GPHN: variants seen among roughly 807,000 people sequenced by gnomAD.
The protein encoded by GPHN is gephyrin.
In GPHN, 17 loss-of-function variants were observed where a neutral mutation model predicts 95.5. The observed-to-expected ratio is 0.18, with a 90% CI of 0.12 to 0.27. The LOEUF (loss-of-function observed/expected upper bound fraction) is 0.27, where lower values mean the gene tolerates loss of function less well. GPHN is among the 10% of genes least tolerant of loss of function. The pLI is 1.00. For synonymous variants in GPHN, 320 were observed against 322.5 expected, an observed-to-expected ratio of 0.99 and a Z score of 0.08; for missense variants, 660 against 978.1, an observed-to-expected ratio of 0.67 and a Z score of 4.34.
chr14:66,544,584 T>C (rs1433350072), intron 1 of GPHN, among the ~76,000 whole-genome samples: 1 of 151,916 alleles, frequency 6.6e-6, no homozygotes, highest in Non-Finnish European at 1.5e-5. Flanking sequence ...TTTTCTTTTT[T>C]TTTTTTTAAT....
At chr14:67,086,145 G>A (rs1235797206) in intron 11 of GPHN, among the ~76,000 whole-genome samples, 1 of 152,130 alleles carries the variant, frequency 6.6e-6, no homozygotes, top group Non-Finnish European at 1.5e-5. Context: ...ATTGATTATT[G>A]TGGATAATGT....
At chr14:66,857,316 A>G (rs1169417411) in intron 4 of GPHN, among the ~76,000 whole-genome samples, 2 of 152,200 alleles carry the variant, frequency 1.3e-5, no homozygotes, top group African/African-American at 4.8e-5. Context: ...ATGAAAAAAC[A>G]CAAATCCAGA....
the GPHN span, chr14:67,486,923 C>T: frequency 6.6e-6 from 1 of 152,142 alleles, no homozygotes; most frequent in Non-Finnish European, 1.5e-5. Flanking sequence ...CCTCCAGACT[C>T]GTGCCCATGC....
At chr14:67,650,740 T>G in the GPHN span, 1,006 of 1,614,056 alleles carry the variant, frequency 6.2e-4, 4 homozygotes, top group Middle Eastern at 6.0e-3. Flanking sequence ...TGGATCTTGT[T>G]GAAGTCAATC....
intron 8 of GPHN, among the ~76,000 whole-genome samples, chr14:66,961,914 A>ATATATATATAT: frequency 1.6e-5 from 1 of 62,018 alleles, no homozygotes; most frequent in African/African-American, 9.3e-5. Flanking sequence ...ATATATATAT[A>ATATATATATAT]TATATATATA....
intron 1 of GPHN, among the ~76,000 whole-genome samples, chr14:66,637,283 A>C (rs1486163128): frequency 6.6e-6 from 1 of 152,184 alleles, no homozygotes; most frequent in Non-Finnish European, 1.5e-5. Flanking sequence ...AAATCTTTGC[A>C]GTTATGTAAC....
chr14:67,724,512 G>C, the GPHN span: 9 of 1,612,142 alleles, frequency 5.6e-6, no homozygotes, highest in Middle Eastern at 1.6e-4. Flanking sequence ...CAAATGTGCA[G>C]CTTCCTGGCA....
At chr14:67,204,892 G>C in the GPHN span, 1 of 1,613,766 alleles carries the variant, frequency 6.2e-7, no homozygotes, top group South Asian at 1.1e-5. Flanking sequence ...AGAATTCACA[G>C]ACATCACCGA....
At chr14:67,203,257 T>G in the GPHN span, 1 of 1,605,304 alleles carries the variant, frequency 6.2e-7, no homozygotes, top group Non-Finnish European at 8.5e-7. Flanking sequence ...AAAAGTCTCC[T>G]GACATCTCCT....
intron 4 of GPHN, among the ~76,000 whole-genome samples, chr14:66,833,586 A>G (rs2061668202): frequency 6.6e-6 from 1 of 151,822 alleles, no homozygotes; most frequent in Non-Finnish European, 1.5e-5. Flanking sequence ...TTGAATCAGC[A>G]TTTATTCGAA....
chr14:67,303,662 T>G, the GPHN span: 1 of 1,153,160 alleles, frequency 8.7e-7, no homozygotes, highest in South Asian at 1.2e-5. Flanking sequence ...TCTGTTACTG[T>G]TTACTGTTAC....
At chr14:66,932,257 T>G (rs1480020472) in intron 8 of GPHN, among the ~76,000 whole-genome samples, 1 of 151,776 alleles carries the variant, frequency 6.6e-6, no homozygotes, top group African/African-American at 2.4e-5. Flanking sequence ...CTGCCTGGAG[T>G]TGGGGAAGGG....
the GPHN span, chr14:67,559,458 A>G: frequency 3.3e-6 from 2 of 603,418 alleles, no homozygotes; most frequent in South Asian, 4.0e-5. Context: ...GTGTTACCTT[A>G]TCAAATAATA....
Position 67,023,727 on chromosome 14 carries a change from A to C in GPHN, c.1006+52A>C, listed in dbSNP as rs1330270121. 3.6e-6 allele frequency: 5 copies of C among 1,406,080 alleles called. No individual in the cohort carries two copies. The African/African-American group carries it at 5.6e-5, about 16-fold the overall frequency. 87.1% of individuals were successfully genotyped at this position (1,406,080 alleles called of 1,614,324 possible). ...CTGCTGAACTAGAGCTTATAAAGCT[A>C]AAAATGATATTTTGGTGAAAAAAAA... On this transcript the variant is annotated intron_variant, in intron 10 of 22. Coordinates refer to ENST00000478722, the MANE Select transcript of GPHN (RefSeq NM_020806.5).
intron 17 of GPHN, among the ~76,000 whole-genome samples, chr14:67,126,378 T>C (rs1001317894): frequency 6.6e-6 from 1 of 152,216 alleles, no homozygotes; most frequent in Non-Finnish European, 1.5e-5. Context: ...TGTACTACTG[T>C]GGGCTGGATT....
At chr14:67,627,674 C>T in the GPHN span, among the ~76,000 whole-genome samples, 8 of 152,300 alleles carry the variant, frequency 5.3e-5, no homozygotes, top group Admixed American at 2.0e-4. Flanking sequence ...GTGGCTCATG[C>T]CTGTCAGCCC....
intron 1 of GPHN, among the ~76,000 whole-genome samples, chr14:66,608,907 G>A (rs1055180029): frequency 2.2e-4 from 34 of 152,114 alleles, no homozygotes; most frequent in Non-Finnish European, 3.4e-4. Flanking sequence ...CTTGAAGACA[G>A]CAGACAGTTG....
intron 11 of GPHN, among the ~76,000 whole-genome samples, chr14:67,073,184 G>A (rs2076374140): frequency 6.6e-6 from 1 of 151,908 alleles, no homozygotes; most frequent in African/African-American, 2.4e-5. Flanking sequence ...AAAAGTACAT[G>A]GTTCAAAATT....
the GPHN span, chr14:67,569,740 T>G: frequency 2.8e-5 from 17 of 608,148 alleles, no homozygotes; most frequent in East Asian, 1.1e-4. Flanking sequence ...CTTTACCACA[T>G]GGAGATCATG....
Sources: gnomAD v4.1 joint callset for allele counts (sites outside exome capture counted in the v4.1 genomes callset) on GRCh38, gnomAD v4.1.1 for gene constraint, MANE v1.5 for transcripts, NCBI Gene and HGNC (gene_info 2026-07-23, HGNC 2026-07-21) for gene names.